CIMIP5: variants seen among roughly 807,000 people sequenced by gnomAD.
CIMIP5 encodes the protein uncharacterized protein C2orf50.
chr2:11,140,147 G>A, the CIMIP5 span, among the ~76,000 whole-genome samples: 2 of 150,232 alleles, frequency 1.3e-5, no homozygotes, highest in African/African-American at 5.0e-5. Flanking sequence ...CAGCACTTTG[G>A]GAGGCCGAGG....
chr2:11,139,130 C>T, the CIMIP5 span, among the ~76,000 whole-genome samples: 1 of 152,104 alleles, frequency 6.6e-6, no homozygotes, highest in African/African-American at 2.4e-5. Context: ...GTTGGCCAGG[C>T]TGGTCTCGAA....
At chr2:11,134,933 A>G in the CIMIP5 span, among the ~76,000 whole-genome samples, 1 of 152,164 alleles carries the variant, frequency 6.6e-6, no homozygotes, top group Non-Finnish European at 1.5e-5. Context: ...GCTTCTGGTA[A>G]GGGCCTCAGG....
chr2:11,141,529 C>A, the CIMIP5 span, among the ~76,000 whole-genome samples: 4 of 152,188 alleles, frequency 2.6e-5, no homozygotes, highest in South Asian at 8.3e-4. Flanking sequence ...TCTTCAAGAT[C>A]CTGCTCTAGT....
At chr2:11,137,240 G>T in the CIMIP5 span, among the ~76,000 whole-genome samples, 1 of 152,162 alleles carries the variant, frequency 6.6e-6, no homozygotes, top group Non-Finnish European at 1.5e-5. Context: ...AGGCATGGTA[G>T]TGTGCACCTG....
the CIMIP5 span, among the ~76,000 whole-genome samples, chr2:11,152,701 AC>A: frequency 6.6e-6 from 1 of 150,654 alleles, no homozygotes; most frequent in Non-Finnish European, 1.5e-5. Context: ...CACTGTAGAG[AC>A]CCCCGTCCAG....
the CIMIP5 span, among the ~76,000 whole-genome samples, chr2:11,137,096 G>A: frequency 2.0e-5 from 3 of 152,274 alleles, no homozygotes; most frequent in South Asian, 2.1e-4. Context: ...CAAGAGGTCG[G>A]GCACAATCGC....
the CIMIP5 span, among the ~76,000 whole-genome samples, chr2:11,151,931 G>A: frequency 1.6e-4 from 24 of 152,364 alleles, no homozygotes; most frequent in African/African-American, 4.8e-4. Context: ...ACCGCGCTCC[G>A]ACTGGGGATG....
chr2:11,152,322 C>T, the CIMIP5 span, among the ~76,000 whole-genome samples: 2 of 152,154 alleles, frequency 1.3e-5, no homozygotes, highest in African/African-American at 2.4e-5. Flanking sequence ...GTGGTCTTTT[C>T]GGGAAAGGAT....
At chr2:11,133,828 C>G in the CIMIP5 span, among the ~76,000 whole-genome samples, 1 of 152,160 alleles carries the variant, frequency 6.6e-6, no homozygotes, top group East Asian at 1.9e-4. Flanking sequence ...AGCCCCACCT[C>G]GTTCATTCCG....
chr2:11,149,946 TTTTG>T, the CIMIP5 span, among the ~76,000 whole-genome samples: 4 of 152,060 alleles, frequency 2.6e-5, no homozygotes, highest in South Asian at 2.1e-4. Flanking sequence ...TCCTTGTTCT[TTTTG>T]TTTGTTTGTT....
At chr2:11,148,569 G>A in the CIMIP5 span, among the ~76,000 whole-genome samples, 1 of 152,074 alleles carries the variant, frequency 6.6e-6, no homozygotes, top group Non-Finnish European at 1.5e-5. Flanking sequence ...GACAATATGA[G>A]CATCGAAATG....
At chr2:11,133,369 C>A in the CIMIP5 span, 1 of 1,611,056 alleles carries the variant, frequency 6.2e-7, no homozygotes, top group East Asian at 2.2e-5. Flanking sequence ...CTCCAGAGAA[C>A]CACATCAGCT....
At chr2:11,143,792 C>G in the CIMIP5 span, 1 of 819,626 alleles carries the variant, frequency 1.2e-6, no homozygotes, top group East Asian at 3.1e-5. Flanking sequence ...ATCCCAAGTC[C>G]AAACCAGGAT....
the CIMIP5 span, among the ~76,000 whole-genome samples, chr2:11,153,632 C>G: frequency 6.6e-6 from 1 of 152,222 alleles, no homozygotes; most frequent in Non-Finnish European, 1.5e-5. Context: ...TTCCTATAGT[C>G]ATTGCTGCTG....
the CIMIP5 span, among the ~76,000 whole-genome samples, chr2:11,134,556 T>C: frequency 2.6e-5 from 4 of 152,336 alleles, no homozygotes; most frequent in East Asian, 1.9e-4. Flanking sequence ...CAGTGCCTCA[T>C]AGAAGTGGAA....
the CIMIP5 span, among the ~76,000 whole-genome samples, chr2:11,136,251 T>C: frequency 1.3e-5 from 2 of 152,234 alleles, no homozygotes; most frequent in Non-Finnish European, 2.9e-5. Flanking sequence ...TGGATTGGTA[T>C]GTATCATGTT....
chr2:11,154,003 G>T, the CIMIP5 span, among the ~76,000 whole-genome samples: 3 of 151,950 alleles, frequency 2.0e-5, no homozygotes, highest in Non-Finnish European at 2.9e-5. Context: ...TTGAGACAGG[G>T]TCTGGCTCTG....
the CIMIP5 span, among the ~76,000 whole-genome samples, chr2:11,153,604 C>G: frequency 1.3e-5 from 2 of 152,364 alleles, no homozygotes; most frequent in Admixed American, 1.3e-4. Flanking sequence ...GCAGGAGGCA[C>G]TCAACAGGTT....
chr2:11,139,183 G>T, the CIMIP5 span, among the ~76,000 whole-genome samples: 1 of 152,192 alleles, frequency 6.6e-6, no homozygotes, highest in African/African-American at 2.4e-5. Context: ...TTCCCAAAGT[G>T]CTGGGATTAC....
Sources: gnomAD v4.1 joint callset for allele counts (sites outside exome capture counted in the v4.1 genomes callset) on GRCh38, gnomAD v4.1.1 for gene constraint, MANE v1.5 for transcripts, NCBI Gene and HGNC (gene_info 2026-07-23, HGNC 2026-07-21) for gene names.